Variants in CTNNA3 observed in about 807,000 individuals in gnomAD.
The protein encoded by CTNNA3 is catenin alpha-3.
Under a neutral mutation model 95.7 loss-of-function variants are expected in CTNNA3, and 76 were observed. The ratio of observed to expected loss-of-function variants is 0.79; its 90% CI spans 0.66 to 0.96. The LOEUF is 0.96. CTNNA3 is among the 40% of genes least tolerant of loss of function. The probability of loss-of-function intolerance (pLI) is 0.00; values close to 1 mark genes in which losing one functional copy is unlikely to be tolerated. For missense variants in CTNNA3, 1,191 were observed against 1,089.8 expected (o/e 1.09, Z -1.31); for synonymous variants, 431 against 374.4 (o/e 1.15, Z -1.74).
intron 14 of CTNNA3, among the ~76,000 whole-genome samples, chr10:66,099,782 C>T (rs1003915965): frequency 2.0e-5 from 3 of 152,154 alleles, no homozygotes; most frequent in African/African-American, 7.2e-5. Context: ...TTTCTCATTC[C>T]ATTAATGATA....
chr10:67,076,672 A>G (rs1452128174), intron 7 of CTNNA3, among the ~76,000 whole-genome samples: 1 of 152,358 alleles, frequency 6.6e-6, no homozygotes, highest in African/African-American at 2.4e-5. Context: ...AATATTGGAT[A>G]GAATGAAATT....
intron 7 of CTNNA3, chr10:67,099,542 T>G (rs1420983593): frequency 6.6e-6 from 1 of 152,238 alleles, no homozygotes; most frequent in South Asian, 2.1e-4. Context: ...AATCTAGTTT[T>G]ATGCAGGTTT....
chr10:66,385,210 G>T (rs1316855553), intron 11 of CTNNA3, among the ~76,000 whole-genome samples: 1 of 151,948 alleles, frequency 6.6e-6, no homozygotes, highest in African/African-American at 2.4e-5. Context: ...TAATAAAGAA[G>T]AAAAGAGAGA....
chr10:66,690,719 T>A (rs1419404031), intron 9 of CTNNA3, among the ~76,000 whole-genome samples: 4 of 151,862 alleles, frequency 2.6e-5, no homozygotes, highest in African/African-American at 7.3e-5. Flanking sequence ...ATCCAGTCTA[T>A]CGTTGTTGGA....
Position 67,607,142 on chromosome 10 carries a change from T to C in CTNNA3, c.100-93A>G. On this transcript the variant is annotated intron_variant, in intron 2 of 17. Transcript: ENST00000433211. Reference sequence around the variant, plus strand: ...CAGACCAGAACAAAAGACAGTACAGTTGACACTTGAGCAACTCAAGGGCTA... The same window carrying C: ...CAGACCAGAACAAAAGACAGTACAGCTGACACTTGAGCAACTCAAGGGCTA... 6 of 1,028,280 alleles carry C rather than the reference T, an allele frequency of 5.8e-6. No homozygotes were observed. The South Asian group carries it at 8.3e-5, about 14-fold the overall frequency. The allele number at this position is 1,028,280 out of a possible 1,614,324, so 63.7% of individuals were successfully genotyped here.
At chr10:66,947,015 T>C (rs529179117) in intron 7 of CTNNA3, among the ~76,000 whole-genome samples, 50 of 152,274 alleles carry the variant, frequency 3.3e-4, no homozygotes, top group Non-Finnish European at 4.9e-4. Flanking sequence ...GAGGTAATCA[T>C]CTTTTTAAGT....
rs547605794 is a variant in CTNNA3, at chr10:67,501,181, T to C, written c.579+20661A>G. Among the ~76,000 whole-genome samples, 5 of 152,272 alleles carry C rather than the reference T, an allele frequency of 3.3e-5. No individual in the cohort carries two copies. In the East Asian group the frequency reaches 7.7e-4, roughly 23 times the overall value. On this transcript the variant is annotated intron_variant, in intron 5 of 17. Coordinates refer to ENST00000433211, the MANE Select transcript of CTNNA3 (RefSeq NM_013266.4). Reference sequence around the variant, plus strand: ...CTGGTGGTGACAAAATCTCTCAGCATTTTTTGTCTCTAAAGGATTTTATTT... The same window carrying C: ...CTGGTGGTGACAAAATCTCTCAGCACTTTTTGTCTCTAAAGGATTTTATTT...
At chr10:67,275,253 G>A (rs1470985313) in intron 5 of CTNNA3, among the ~76,000 whole-genome samples, 1 of 152,132 alleles carries the variant, frequency 6.6e-6, no homozygotes, top group East Asian at 1.9e-4. Flanking sequence ...GAGGCAGAAA[G>A]AGAATAAATA....
At chr10:66,973,913 C>T (rs1435114027) in intron 7 of CTNNA3, among the ~76,000 whole-genome samples, 4 of 152,122 alleles carry the variant, frequency 2.6e-5, no homozygotes, top group East Asian at 3.9e-4. Context: ...TGAACCACCG[C>T]GTCCAGCCTT....
At chr10:66,928,304 A>G (rs1354095647) in intron 7 of CTNNA3, 3 of 1,614,052 alleles carry the variant, frequency 1.9e-6, no homozygotes, top group African/African-American at 2.7e-5. Flanking sequence ...AGGCACAGGA[A>G]AAAGAAAAGA....
At position 67,116,721 on chromosome 10, in the gene CTNNA3, AATATAT is replaced by A. The variant is rs34041126; in HGVS notation, c.1047+63590_1047+63595del. ...TAACCATCTGGAAGTCAGTTTTGAA[AATATAT>A]ATATATATATATATATAATATATAA... On this transcript the variant is annotated intron_variant, in intron 7 of 17. Transcript: ENST00000433211. Among the ~76,000 whole-genome samples the A allele has an allele frequency of 8.4e-3, 1,202 of 143,512 alleles. 12 individuals are homozygous for A. Among genetic ancestry groups the A allele is most frequent in the South Asian group, 0.028 (131 of 4,616 alleles). The allele number at this position is 143,512 out of a possible 152,430, so 94.1% of individuals were successfully genotyped here. A position where few individuals can be genotyped will look rare whatever the true frequency, so the allele number is the denominator to read the frequency against.
chr10:66,877,640 T>C (rs917169532), intron 7 of CTNNA3, among the ~76,000 whole-genome samples: 11 of 152,126 alleles, frequency 7.2e-5, no homozygotes, highest in African/African-American at 2.7e-4. Context: ...TCTAAGAAAA[T>C]AAATCCAGCT....
chr10:67,525,387 C>G (rs1236970683), intron 4 of CTNNA3, among the ~76,000 whole-genome samples: 1 of 152,106 alleles, frequency 6.6e-6, no homozygotes, highest in Non-Finnish European at 1.5e-5. Context: ...TCAAATAAAA[C>G]AGCAGAAACT....
chr10:67,564,675 G>C lies in CTNNA3; in HGVS notation c.293-25006C>G, dbSNP rs868813304. Among the ~76,000 whole-genome samples, 90 of 67,878 alleles carry C rather than the reference G, an allele frequency of 1.3e-3. 1 individual carries two copies. The highest frequency in any genetic ancestry group is 6.3e-3 in the African/African-American group (84 of 13,388). 44.5% of individuals were successfully genotyped at this position (67,878 alleles called of 152,430 possible). On this transcript the variant is annotated intron_variant, in intron 3 of 17. Transcript: ENST00000433211. ...TATATATGCATATATGTGTGTGTGTGTGTATATATATATATATATATATAT... is the reference window on the plus strand; with the variant it reads ...TATATATGCATATATGTGTGTGTGTCTGTATATATATATATATATATATAT...
chr10:66,220,138 G>T lies in CTNNA3; in HGVS notation c.1884+60332C>A, dbSNP rs375858875. On this transcript the variant is annotated intron_variant, in intron 13 of 17. Coordinates refer to ENST00000433211, the MANE Select transcript of CTNNA3 (RefSeq NM_013266.4). ...ACTCGGTCTCAAAAAATAATAATAA[G>T]AAGAAGAATAAAGATATCCACAAAC... Among the ~76,000 whole-genome samples, 93 of 151,936 alleles carry T rather than the reference G, an allele frequency of 6.1e-4. 1 individual carries two copies. Among genetic ancestry groups the T allele is most frequent in the Middle Eastern group, 3.4e-3 (1 of 294 alleles).
chr10:66,251,826 C>T lies in CTNNA3; in HGVS notation c.1884+28644G>A, dbSNP rs528278610. On this transcript the variant is annotated intron_variant, in intron 13 of 17. Transcript: ENST00000433211. ...TTGTGCCAGGGTTCCAAGAGCTTAA[C>T]TTGCATTGGAGCATTTAATCCTCAG... 5.9e-5 allele frequency among the ~76,000 whole-genome samples: 9 copies of T among 152,288 alleles called. No homozygotes were observed. The South Asian group carries it at 1.9e-3, about 32-fold the overall frequency.
At chr10:66,808,497 T>C (rs1488540878) in intron 7 of CTNNA3, among the ~76,000 whole-genome samples, 1 of 152,182 alleles carries the variant, frequency 6.6e-6, no homozygotes, top group Non-Finnish European at 1.5e-5. Context: ...CGGGAGTGGT[T>C]TGGCAGTTAC....
At chr10:66,735,829 G>A (rs1849116445) in intron 9 of CTNNA3, among the ~76,000 whole-genome samples, 1 of 151,982 alleles carries the variant, frequency 6.6e-6, no homozygotes, top group South Asian at 2.1e-4. Flanking sequence ...AAATTCCTTG[G>A]CTCCACTGAC....
intron 1 of CTNNA3, among the ~76,000 whole-genome samples, chr10:67,741,336 A>T (rs1407658793): frequency 6.8e-6 from 1 of 147,072 alleles, no homozygotes; most frequent in African/African-American, 2.5e-5. Context: ...AATAAAAAAT[A>T]AAAAAAGAAC....
Sources: allele counts gnomAD v4.1 joint callset (sites outside exome capture counted in the v4.1 genomes callset), GRCh38; gene constraint gnomAD v4.1.1; transcripts MANE v1.5; gene names NCBI Gene and HGNC (gene_info 2026-07-23, HGNC 2026-07-21).